The following CTH variants were observed in gnomAD, a reference collection of about 807,000 sequenced individuals.
The protein encoded by CTH is cystathionine gamma-lyase.
A neutral mutation model predicts 50.6 loss-of-function variants in CTH; 41 were observed. The observed-to-expected ratio is 0.81, with a 90% CI of 0.63 to 1.05. CTH has a LOEUF of 1.05. Among genes scored for constraint, CTH ranks in the 50% least tolerant of loss-of-function variants. The probability of loss-of-function intolerance (pLI) is 0.00; values close to 1 mark genes in which losing one functional copy is unlikely to be tolerated. For missense variants in CTH, 470 were observed against 492.6 expected (o/e 0.95, Z 0.43); for synonymous variants, 156 against 168.9 (o/e 0.92, Z 0.59).
Position 70,432,211 on chromosome 1 carries a change from T to G in CTH, c.853T>G (p.Trp285Gly). Residue 285 changes from tryptophan (W) to glycine (G), a missense_variant, in exon 8 of 12, where the codon TGG becomes GGG. By Grantham distance (184) the Trp-to-Gly change is radical. Transcript: ENST00000370938. ...AVAQFLESNPWVEKVIYPGLP... is the reference protein window; with the variant it reads ...AVAQFLESNPGVEKVIYPGLP... ...TGCCCAGTTCCTGGAATCTAATCCT[T>G]GGGTAGAAAAGGTTATTTATCCTGG... The G allele has an allele frequency of 6.2e-7, 1 of 1,614,234 alleles. No individual in the cohort carries two copies. Among genetic ancestry groups the G allele is most frequent in the Non-Finnish European group, 8.5e-7 (1 of 1,180,030 alleles).
At chr1:70,437,639 T>A (rs1313993524) in intron 10 of CTH, among the ~76,000 whole-genome samples, 2 of 152,190 alleles carry the variant, frequency 1.3e-5, no homozygotes, top group Non-Finnish European at 2.9e-5. Context: ...TTTTAAGGAA[T>A]TACGAGTCTC....
At chr1:70,413,889 C>T (rs1309789868) in intron 1 of CTH, among the ~76,000 whole-genome samples, 4 of 150,956 alleles carry the variant, frequency 2.6e-5, no homozygotes, top group South Asian at 2.1e-4. Flanking sequence ...TTACAGCTGC[C>T]CGCCACCATG....
intron 6 of CTH, 60 bp from the exon 7 acceptor site, chr1:70,430,257 A>G: frequency 1.1e-6 from 1 of 882,320 alleles, no homozygotes; most frequent in East Asian, 2.5e-5. Context: ...TAAAATAAAG[A>G]GTAAACATAA....
chr1:70,435,030 C>T (rs1169011674), intron 9 of CTH, 95 bp from the exon 10 acceptor site: 8 of 1,163,420 alleles, frequency 6.9e-6, no homozygotes, highest in South Asian at 1.3e-5. Flanking sequence ...GGATTACAGG[C>T]ATGAGCCACT....
rs570239863 is a variant in CTH at position 70,435,178 on chromosome 1, G to A, written c.1052+1G>A. On this transcript the variant is annotated splice_donor_variant, in intron 10 of 11. Transcript: ENST00000370938. LOFTEE classifies it high-confidence loss of function. The stretch of plus-strand genomic sequence containing the variant: ...GATTCGAAAGCCTTGCTGAGCTTCC[G>A]TAAGTATAGTTCTGTTTTTCTCAGT... The A allele has an allele frequency of 9.9e-6, 16 of 1,612,180 alleles. No individual in the cohort carries two copies. Among genetic ancestry groups the A allele is most frequent in the Middle Eastern group, 1.7e-4 (1 of 6,042 alleles).
chr1:70,418,628 C>T (rs998580055), intron 3 of CTH, among the ~76,000 whole-genome samples: 1 of 152,200 alleles, frequency 6.6e-6, no homozygotes, highest in Non-Finnish European at 1.5e-5. Flanking sequence ...ACATATTCTG[C>T]TCTAGAGAAG....
intron 1 of CTH, 34 bp downstream of exon 1, chr1:70,411,617 G>A: frequency 6.2e-7 from 1 of 1,602,384 alleles, no homozygotes; most frequent in Non-Finnish European, 8.5e-7. Flanking sequence ...GTCCACAGTT[G>A]GGCGGTAAAA....
rs576584907 is a variant in CTH, at chr1:70,428,777, A to AT, written c.589-1010dup. 5.1e-3 allele frequency among the ~76,000 whole-genome samples: 772 copies of AT among 151,692 alleles called. 7 individuals carry two copies. The highest frequency in any genetic ancestry group is 0.017 in the African/African-American group (712 of 41,316). On this transcript the variant is annotated intron_variant, in intron 5 of 11. Coordinates refer to ENST00000370938, the MANE Select transcript of CTH (RefSeq NM_001902.6). ...AGGTGCGTGCCACCATGCTCAGCTA[A>AT]TTTTTTTGTATTTTTAGTAGAGATA... is the stretch of plus-strand genomic sequence containing the variant.
chr1:70,425,991 A>G (rs545700761), intron 5 of CTH, among the ~76,000 whole-genome samples: 3 of 152,312 alleles, frequency 2.0e-5, no homozygotes, highest in Admixed American at 2.0e-4. Flanking sequence ...ACTAGTGATT[A>G]GATTTCAATC....
intron 1 of CTH, among the ~76,000 whole-genome samples, chr1:70,412,846 A>G (rs1557459476): frequency 6.6e-6 from 1 of 152,140 alleles, no homozygotes. Context: ...TCACATTTAC[A>G]CTATTTCCAT....
intron 1 of CTH, among the ~76,000 whole-genome samples, chr1:70,413,860 G>A (rs1030216925): frequency 6.7e-6 from 1 of 148,888 alleles, no homozygotes; most frequent in African/African-American, 2.5e-5. Flanking sequence ...TCCTACCTCA[G>A]CTTCCCGAGT....
In CTH at chr1:70,433,916, T is replaced by TC; in HGVS notation, c.967dup (p.Gln323ProfsTer4). 1 of 1,614,122 alleles carries TC rather than the reference T, an allele frequency of 6.2e-7. No homozygotes were observed. The highest frequency in any genetic ancestry group is 8.5e-7 in the Non-Finnish European group (1 of 1,179,982). On this transcript the variant is annotated frameshift_variant, in exon 9 of 12. Transcript: ENST00000370938. LOFTEE classifies it high-confidence loss of function. The stretch of plus-strand genomic sequence containing the variant: ...TCACCTTTTATATTAAGGGCACTCT[T>TC]CAGCATGCTGAGATTTTCCTCAAGA...
rs1233915879 is a variant in CTH, at chr1:70,421,675, G to C, written c.456G>C (p.Lys152Asn). ...LLEAAITPET[K>N]LVWIETPTNP... ...AGGCAGCAATTACACCAGAAACCAA[G>C]GTAACTCAGCTCATTTTCAGTTTTG... The change falls in exon 4 of 12, where the codon AAG (lysine) becomes AAC (asparagine). Residue 152 changes from lysine (K) to asparagine (N), a missense_variant and splice_region_variant. By Grantham distance (94) the Lys-to-Asn change is moderately conservative (BLOSUM62 0). Coordinates refer to ENST00000370938, the MANE Select transcript of CTH (RefSeq NM_001902.6). 2 of 1,613,630 alleles carry C rather than the reference G, an allele frequency of 1.2e-6. No homozygotes were observed. Among genetic ancestry groups the C allele is most frequent in the Non-Finnish European group, 1.7e-6 (2 of 1,179,806 alleles).
chr1:70,414,708 C>G (rs1014256886), intron 1 of CTH, among the ~76,000 whole-genome samples: 1 of 152,040 alleles, frequency 6.6e-6, no homozygotes, highest in African/African-American at 2.4e-5. Flanking sequence ...TTTGACACTC[C>G]CTAGGTACTA....
intron 1 of CTH, among the ~76,000 whole-genome samples, chr1:70,415,570 C>T (rs1684072776): frequency 6.6e-6 from 1 of 152,124 alleles, no homozygotes; most frequent in Admixed American, 6.6e-5. Context: ...TAAAAACTGT[C>T]ATTTATTTAG....
At chr1:70,414,631 T>A (rs1022936995) in intron 1 of CTH, among the ~76,000 whole-genome samples, 1 of 152,200 alleles carries the variant, frequency 6.6e-6, no homozygotes, top group Non-Finnish European at 1.5e-5. Context: ...TGTTATGTTA[T>A]GTGAAGCAGA....
rs111672063 is a variant in CTH at position 70,432,824 on chromosome 1, C to T, written c.877+589C>T. On this transcript the variant is annotated intron_variant, in intron 8 of 11. Transcript: ENST00000370938. The stretch of plus-strand genomic sequence containing the variant: ...TCAGCCTCCCGAGTAGCTGGGATTA[C>T]AGGTGCCCGCCACCACGCCCAGCTA... 3.9e-5 allele frequency among the ~76,000 whole-genome samples: 6 copies of T among 152,016 alleles called. No individual in the cohort carries two copies. The East Asian group carries it at 1.2e-3, about 29-fold the overall frequency.
At position 70,438,791 on chromosome 1, in the gene CTH, C is replaced by G; in HGVS notation, c.1156C>G (p.Leu386Val). ...LSVGLEDEEDLLEDLDQALKA... is the reference protein window; with the variant it reads ...LSVGLEDEEDVLEDLDQALKA... ...TGTGGGCTTAGAGGATGAGGAAGAC[C>G]TACTGGAAGATCTAGATCAAGCTTT... Residue 386 changes from leucine to valine, a missense_variant, in exon 11 of 12, where the codon CTA becomes GTA. Transcript: ENST00000370938. 1.2e-6 allele frequency: 2 copies of G among 1,613,260 alleles called. No homozygotes were observed. The highest frequency in any genetic ancestry group is 1.7e-6 in the Non-Finnish European group (2 of 1,179,904).
intron 8 of CTH, 69 bp from the exon 9 acceptor site, chr1:70,433,759 A>T: frequency 1.3e-6 from 2 of 1,586,962 alleles, no homozygotes. Flanking sequence ...AGTGAAAAAT[A>T]CCACCCTCCC....
Sources: allele counts gnomAD v4.1 joint callset (sites outside exome capture counted in the v4.1 genomes callset), GRCh38; gene constraint gnomAD v4.1.1; transcripts MANE v1.5; gene names NCBI Gene and HGNC (gene_info 2026-07-23, HGNC 2026-07-21).